SMAD2: variants seen among roughly 807,000 people sequenced by gnomAD.
SMAD2 encodes the protein MAD homolog 2.
SMAD2 carries 8 observed loss-of-function variants against 64.4 expected under a neutral mutation model. The observed-to-expected ratio is 0.12, with a 90% confidence interval of 0.07 to 0.22. The LOEUF is 0.22. SMAD2 is among the 10% of genes least tolerant of loss of function. SMAD2 has a pLI of 1.00. For synonymous variants in SMAD2, 203 were observed against 195.8 expected (o/e 1.04, Z -0.31); for missense variants, 289 against 561.2 (o/e 0.51, Z 4.90).
intron 2 of SMAD2, among the ~76,000 whole-genome samples, chr18:47,886,481 C>T (rs1421506414): frequency 6.6e-6 from 1 of 151,878 alleles, no homozygotes; most frequent in Non-Finnish European, 1.5e-5. Context: ...ATGTCCCTAT[C>T]ATCCTAAACA....
At chr18:47,920,265 A>G (rs993122042) in intron 1 of SMAD2, 1 of 152,218 alleles carries the variant, frequency 6.6e-6, no homozygotes, top group African/African-American at 2.4e-5. Context: ...AATATCTCCC[A>G]AAGATCCCAT....
chr18:47,920,686 A>G (rs1020759429), intron 1 of SMAD2, among the ~76,000 whole-genome samples: 1 of 152,262 alleles, frequency 6.6e-6, no homozygotes, highest in Non-Finnish European at 1.5e-5. Context: ...AAAAATGAAT[A>G]AAGTACATTC....
intron 1 of SMAD2, among the ~76,000 whole-genome samples, chr18:47,925,042 T>C (rs2034710744): frequency 6.6e-6 from 1 of 152,178 alleles, no homozygotes; most frequent in African/African-American, 2.4e-5. Context: ...ATACATTAAA[T>C]GTGAAACTAC....
intron 1 of SMAD2, among the ~76,000 whole-genome samples, chr18:47,921,125 C>T (rs1337035452): frequency 6.6e-6 from 1 of 152,148 alleles, no homozygotes; most frequent in Non-Finnish European, 1.5e-5. Flanking sequence ...CCACTGCACT[C>T]CAGCCTGGGT....
chr18:47,865,241 G>A, intron 5 of SMAD2, 108 bp from the exon 6 acceptor site: 1 of 671,944 alleles, frequency 1.5e-6, no homozygotes, highest in Non-Finnish European at 2.7e-6. Context: ...AAATAATAAT[G>A]TTATATAATA....
intron 7 of SMAD2, among the ~76,000 whole-genome samples, chr18:47,850,276 T>C (rs1915062726): frequency 1.4e-5 from 1 of 72,134 alleles, no homozygotes; most frequent in Middle Eastern, 6.0e-3. Context: ...ATATATTATA[T>C]ATTATATATA....
chr18:47,884,640 T>C (rs555190127), intron 2 of SMAD2, among the ~76,000 whole-genome samples: 1 of 152,256 alleles, frequency 6.6e-6, no homozygotes, highest in East Asian at 1.9e-4. Context: ...GACAAGTAAA[T>C]TGAGAAAGCC....
chr18:47,838,834 T>C lies in SMAD2; in HGVS notation c.*2993A>G. 1 of 232,954 alleles carries C rather than the reference T, an allele frequency of 4.3e-6. No homozygotes were observed. 14.4% of individuals were successfully genotyped at this position (232,954 alleles called of 1,614,324 possible). On this transcript the variant is annotated 3_prime_UTR_variant, in exon 11 of 11. Transcript: ENST00000262160. ...AACCTACTGGAAAAAATATTACTCA[T>C]CTTAGAAATGTGATAGAAAGCATGG...
At chr18:47,846,398 G>A (rs955697893) in intron 8 of SMAD2, among the ~76,000 whole-genome samples, 2 of 152,070 alleles carry the variant, frequency 1.3e-5, no homozygotes, top group African/African-American at 2.4e-5. Context: ...ATTGTGAGAA[G>A]CAGAGTTCTA....
chr18:47,853,998 G>A (rs182901559), intron 6 of SMAD2, among the ~76,000 whole-genome samples: 231 of 151,760 alleles, frequency 1.5e-3, no homozygotes, highest in African/African-American at 5.5e-3. Context: ...ATTAACAGGC[G>A]TTCAGTCAGA....
Position 47,816,802 on chromosome 18 carries a change from C to T in SMAD2, c.*25025G>A, listed in dbSNP as rs1414284601. The stretch of plus-strand genomic sequence containing the variant: ...TTTTGGAGACGTAGTTTTGCACTGT[C>T]GCCCAGGCTGGAGTGCAGTGGCACA... On this transcript the variant is annotated 3_prime_UTR_variant, in exon 11 of 11. Transcript: ENST00000262160. 7.4e-6 allele frequency: 1 copy of T among 135,116 alleles called. No individual in the cohort carries two copies. The highest frequency in any genetic ancestry group is 2.2e-4 in the East Asian group (1 of 4,542). The allele number at this position is 135,116 out of a possible 1,614,324, so 8.4% of individuals were successfully genotyped here. A position where few individuals can be genotyped will look rare whatever the true frequency, so the allele number is the denominator to read the frequency against.
Position 47,832,756 on chromosome 18 carries a change from AC to A in SMAD2, c.*9070del, listed in dbSNP as rs1332849342. On this transcript the variant is annotated 3_prime_UTR_variant, in exon 11 of 11. Coordinates refer to ENST00000262160, the MANE Select transcript of SMAD2 (RefSeq NM_005901.6). Reference sequence around the variant, plus strand: ...TTCAACTTTGAAGATGTTTTTGTTTACAGCATAGATCTTATGTATTAGAGCG... The same window carrying A: ...TTCAACTTTGAAGATGTTTTTGTTTAAGCATAGATCTTATGTATTAGAGCG... The A allele has an allele frequency of 1.7e-4, 26 of 152,332 alleles. No individual in the cohort carries two copies. Among genetic ancestry groups the A allele is most frequent in the African/African-American group, 5.8e-4 (24 of 41,568 alleles). The allele number at this position is 152,332 out of a possible 1,614,324, so 9.4% of individuals were successfully genotyped here. A position where few individuals can be genotyped will look rare whatever the true frequency, so the allele number is the denominator to read the frequency against.
intron 1 of SMAD2, among the ~76,000 whole-genome samples, chr18:47,927,578 G>A (rs1183804735): frequency 6.6e-6 from 1 of 152,212 alleles, no homozygotes; most frequent in African/African-American, 2.4e-5. Flanking sequence ...GCTGTTTGTT[G>A]AATAAATGAA....
At chr18:47,892,501 T>C (rs2033245328) in intron 2 of SMAD2, among the ~76,000 whole-genome samples, 1 of 152,274 alleles carries the variant, frequency 6.6e-6, no homozygotes, top group South Asian at 2.1e-4. Flanking sequence ...TGCCTAGTTA[T>C]GTTTTTGTGG....
At chr18:47,914,461 T>A (rs1024200969) in intron 1 of SMAD2, among the ~76,000 whole-genome samples, 1 of 152,184 alleles carries the variant, frequency 6.6e-6, no homozygotes, top group African/African-American at 2.4e-5. Flanking sequence ...GAGGCACAAA[T>A]AAATACCCTG....
At chr18:47,924,556 G>A (rs1386498645) in intron 1 of SMAD2, among the ~76,000 whole-genome samples, 3 of 151,298 alleles carry the variant, frequency 2.0e-5, no homozygotes, top group Non-Finnish European at 4.4e-5. Flanking sequence ...CGGCCTCCCC[G>A]GTTCAAGCAA....
chr18:47,855,562 T>A (rs2030599688), intron 6 of SMAD2, among the ~76,000 whole-genome samples: 2 of 152,274 alleles, frequency 1.3e-5, no homozygotes, highest in South Asian at 4.1e-4. Flanking sequence ...AAAAATTTTT[T>A]ATTTCTCCTT....
chr18:47,848,774 A>T lies in SMAD2; in HGVS notation c.785-87T>A, dbSNP rs115230711. ...AAATAGATTTAATATAATCATCTTTACATGCTCTATGCCAGCCTGCACTGG... is the reference window on the plus strand; with the variant it reads ...AAATAGATTTAATATAATCATCTTTTCATGCTCTATGCCAGCCTGCACTGG... On this transcript the variant is annotated intron_variant, in intron 7 of 10. Coordinates refer to ENST00000262160, the MANE Select transcript of SMAD2 (RefSeq NM_005901.6). 1,783 of 959,314 alleles carry T rather than the reference A, an allele frequency of 1.9e-3. 15 individuals are homozygous for T. The African/African-American group carries it at 0.026, about 14-fold the overall frequency. The allele number at this position is 959,314 out of a possible 1,614,324, so 59.4% of individuals were successfully genotyped here.
At chr18:47,879,177 ATAAC>A (rs1028110512) in intron 2 of SMAD2, among the ~76,000 whole-genome samples, 5 of 152,236 alleles carry the variant, frequency 3.3e-5, no homozygotes, top group African/African-American at 7.2e-5. Context: ...AAGAATGCAC[ATAAC>A]TAGAGTTCGC....
Sources: gnomAD v4.1 joint callset for allele counts (sites outside exome capture counted in the v4.1 genomes callset) on GRCh38, gnomAD v4.1.1 for gene constraint, MANE v1.5 for transcripts, NCBI Gene and HGNC (gene_info 2026-07-23, HGNC 2026-07-21) for gene names.